Variants in DIO2 observed in about 807,000 individuals in gnomAD.
DIO2 encodes the protein iodothyronine deiodinase 2.
Under a neutral mutation model 21.4 loss-of-function variants are expected in DIO2, and 19 were observed. The ratio of observed to expected loss-of-function variants is 0.89; its 90% CI spans 0.62 to 1.30. The LOEUF (loss-of-function observed/expected upper bound fraction) is 1.30, where lower values mean the gene tolerates loss of function less well. Ranked by LOEUF, DIO2 falls within the 50% of genes most tolerant of loss-of-function variation. The pLI is 0.00. For synonymous variants in DIO2, 122 were observed against 132.9 expected (o/e 0.92, Z 0.57); for missense variants, 302 against 338.1 (o/e 0.89, Z 0.84).
intron 2 of DIO2, among the ~76,000 whole-genome samples, chr14:80,229,410 A>G (rs1411380745): frequency 6.6e-6 from 1 of 152,156 alleles, no homozygotes; most frequent in Non-Finnish European, 1.5e-5. Context: ...TAGTTGAGTG[A>G]CTGTGGTTCT....
At chr14:80,228,762 C>T (rs1466586433) in intron 2 of DIO2, among the ~76,000 whole-genome samples, 1 of 152,040 alleles carries the variant, frequency 6.6e-6, no homozygotes, top group Non-Finnish European at 1.5e-5. Flanking sequence ...CCCACTGGAC[C>T]CACTATACGT....
intron 2 of DIO2, among the ~76,000 whole-genome samples, chr14:80,225,213 C>A (rs1888550183): frequency 6.6e-6 from 1 of 152,118 alleles, no homozygotes; most frequent in Admixed American, 6.6e-5. Flanking sequence ...ATCCTTCAAT[C>A]CAATCAGGTT....
At chr14:80,225,033 C>G (rs1888544091) in intron 2 of DIO2, among the ~76,000 whole-genome samples, 2 of 152,176 alleles carry the variant, frequency 1.3e-5, no homozygotes. Flanking sequence ...GTCTGGGAGG[C>G]TAGGCCAGTC....
chr14:80,223,909 G>A (rs1173677954), intron 2 of DIO2, among the ~76,000 whole-genome samples: 2 of 152,168 alleles, frequency 1.3e-5, no homozygotes, highest in Non-Finnish European at 2.9e-5. Context: ...TTGATTAAAT[G>A]TATCAAAACA....
intron 1 of DIO2, among the ~76,000 whole-genome samples, chr14:80,209,114 T>G (rs536859842): frequency 1.3e-5 from 2 of 152,282 alleles, no homozygotes; most frequent in East Asian, 3.9e-4. Flanking sequence ...TGCAACATAA[T>G]GGAACACTAT....
rs5809986 is a variant in DIO2, at chr14:80,203,296, T to TAAAAAAAAAAAA, written c.223-20_223-9dup. 8.8e-7 allele frequency: 1 copy of TAAAAAAAAAAAA among 1,137,366 alleles called. No homozygotes were observed. 70.5% of individuals were successfully genotyped at this position (1,137,366 alleles called of 1,614,324 possible). On this transcript the variant is annotated splice_polypyrimidine_tract_variant and intron_variant, in intron 1 of 1. Coordinates refer to ENST00000438257, the MANE Select transcript of DIO2 (RefSeq NM_013989.5). ...ATCCTCACCCAATTTCACCTGACGGTAAAAAAAAAAAAAAAGAAGAAGAAG... is the reference window on the plus strand; with the variant it reads ...ATCCTCACCCAATTTCACCTGACGGTAAAAAAAAAAAAAAAAAAAAAAAAAAAGAAGAAGAAG...
chr14:80,224,038 T>C (rs1208436983), intron 2 of DIO2, among the ~76,000 whole-genome samples: 1 of 152,202 alleles, frequency 6.6e-6, no homozygotes, highest in Admixed American at 6.5e-5. Flanking sequence ...CACCAACAAG[T>C]AAGGATTGCT....
chr14:80,204,432 G>T (rs138247181), intron 1 of DIO2, among the ~76,000 whole-genome samples: 2 of 152,162 alleles, frequency 1.3e-5, no homozygotes, highest in African/African-American at 4.8e-5. Flanking sequence ...CTTTGCACAT[G>T]GTTTAAATAG....
At chr14:80,206,883 C>T (rs978900612) in intron 1 of DIO2, among the ~76,000 whole-genome samples, 1 of 152,130 alleles carries the variant, frequency 6.6e-6, no homozygotes, top group Non-Finnish European at 1.5e-5. Flanking sequence ...GTACCTCTTT[C>T]CCTGCCAGCA....
chr14:80,212,649 C>T (rs892915160), upstream of DIO2, among the ~76,000 whole-genome samples: 1 of 152,006 alleles, frequency 6.6e-6, no homozygotes, highest in African/African-American at 2.4e-5. Context: ...ACCTTTATAC[C>T]ATGACTCCAA....
upstream of DIO2, among the ~76,000 whole-genome samples, chr14:80,212,890 C>A (rs919910450): frequency 1.3e-5 from 2 of 150,600 alleles, no homozygotes; most frequent in South Asian, 2.1e-4. Context: ...AGGGAAGGAG[C>A]TAGGCGACAT....
chr14:80,228,710 C>A (rs980905019), intron 2 of DIO2, among the ~76,000 whole-genome samples: 12 of 152,136 alleles, frequency 7.9e-5, no homozygotes, highest in African/African-American at 2.9e-4. Flanking sequence ...ACCAATTGTG[C>A]ATTCTGGCAC....
intron 2 of DIO2, among the ~76,000 whole-genome samples, chr14:80,223,117 G>A (rs1888498997): frequency 6.6e-6 from 1 of 151,786 alleles, no homozygotes; most frequent in Non-Finnish European, 1.5e-5. Flanking sequence ...CAAGGTCAAG[G>A]GATTATAGGC....
chr14:80,213,689 A>G (rs1297342210), upstream of DIO2, among the ~76,000 whole-genome samples: 1 of 152,148 alleles, frequency 6.6e-6, no homozygotes, highest in African/African-American at 2.4e-5. Flanking sequence ...CAGGGCATGT[A>G]GAGGGCCTCT....
Position 80,203,110 on chromosome 14 carries a change from G to C in DIO2, c.401C>G (p.Pro134Arg). 6.2e-7 allele frequency: 1 copy of C among 1,613,782 alleles called. No individual in the cohort carries two copies. Among genetic ancestry groups the C allele is most frequent in the East Asian group, 2.2e-5 (1 of 44,874 alleles). Residue 134 changes from proline (P) to arginine (R), a missense_variant, in exon 2 of 2, where the codon CCT (proline) becomes CGT (arginine). Physicochemically the swap from Pro to Arg is moderately radical, Grantham distance 103. Coordinates refer to ENST00000438257, the MANE Select transcript of DIO2 (RefSeq NM_013989.5). Reference sequence around the variant, plus strand: ...GGCTGGCAGCTGGCTCGTGAAAGGAGGTCAAGTGGCTGAGCCAAAGTTGAC... The same window carrying C: ...GGCTGGCAGCTGGCTCGTGAAAGGACGTCAAGTGGCTGAGCCAAAGTTGAC... ...LVVNFGSATU[P>R]PFTSQLPAFR... is the part of the protein sequence containing the mutation.
At chr14:80,209,360 T>C (rs991960148) in intron 1 of DIO2, among the ~76,000 whole-genome samples, 8 of 152,018 alleles carry the variant, frequency 5.3e-5, no homozygotes, top group Non-Finnish European at 1.2e-4. Context: ...GTTTTTTTTT[T>C]TTTACTTTAT....
rs1485598330 is a variant in DIO2 at position 80,198,919 on chromosome 14, T to TCTA, written c.*3767_*3769dup. 1 of 151,906 alleles carries TCTA rather than the reference T, an allele frequency of 6.6e-6. No individual in the cohort carries two copies. Among genetic ancestry groups the TCTA allele is most frequent in the Non-Finnish European group, 1.5e-5 (1 of 67,994 alleles). The allele number at this position is 151,906 out of a possible 1,614,324, so 9.4% of individuals were successfully genotyped here. On this transcript the variant is annotated 3_prime_UTR_variant, in exon 2 of 2. Transcript: ENST00000438257. ...TCCTTCAGTGGGACGGAAGTCAGAG[T>TCTA]CTACATTTTTCCTTTTTCAATGGTC...
chr14:80,223,286 C>T (rs1042224767), intron 2 of DIO2, among the ~76,000 whole-genome samples: 3 of 152,154 alleles, frequency 2.0e-5, no homozygotes, highest in Non-Finnish European at 4.4e-5. Flanking sequence ...ATTGGCTTAA[C>T]ATATAGCCCC....
At chr14:80,225,067 T>C (rs1432313461) in intron 2 of DIO2, among the ~76,000 whole-genome samples, 1 of 152,192 alleles carries the variant, frequency 6.6e-6, no homozygotes, top group Non-Finnish European at 1.5e-5. Flanking sequence ...TTTTTCTTCC[T>C]GCTTTATATT....
Sources: allele counts gnomAD v4.1 joint callset (sites outside exome capture counted in the v4.1 genomes callset), GRCh38; gene constraint gnomAD v4.1.1; transcripts MANE v1.5; gene names NCBI Gene and HGNC (gene_info 2026-07-23, HGNC 2026-07-21).